The following RORA variants were observed in gnomAD, a reference collection of about 807,000 sequenced individuals.
The protein encoded by RORA is RAR related orphan receptor A, also known as nuclear receptor ROR-alpha.
RORA carries 7 observed loss-of-function variants against 69.5 expected under a neutral mutation model. The ratio of observed to expected loss-of-function variants is 0.10; its 90% CI spans 0.06 to 0.19. The LOEUF (loss-of-function observed/expected upper bound fraction) is 0.19, where lower values mean the gene tolerates loss of function less well. Among genes scored for constraint, RORA ranks in the 10% least tolerant of loss-of-function variants. The probability of loss-of-function intolerance (pLI) is 1.00; values close to 1 mark genes in which losing one functional copy is unlikely to be tolerated. For missense variants in RORA, 457 were observed against 663.0 expected, an observed-to-expected ratio of 0.69 and a Z score of 3.41; for synonymous variants, 261 against 240.8, an observed-to-expected ratio of 1.08 and a Z score of -0.78.
intron 1 of RORA, among the ~76,000 whole-genome samples, chr15:61,015,446 T>TA (rs1272853701): frequency 2.0e-5 from 3 of 151,444 alleles, no homozygotes; most frequent in African/African-American, 7.3e-5. Context: ...AATTTTTAAG[T>TA]AAAAAAAATT....
chr15:61,197,953 T>C (rs1039436601), intron 1 of RORA, among the ~76,000 whole-genome samples: 16 of 152,000 alleles, frequency 1.1e-4, no homozygotes, highest in African/African-American at 3.9e-4. Flanking sequence ...TTGTTTTGTG[T>C]GGTATCAGGG....
chr15:61,043,264 C>T (rs782940), intron 1 of RORA, among the ~76,000 whole-genome samples: 7,009 of 152,238 alleles, frequency 0.046, 251 homozygotes, highest in East Asian at 0.15. Context: ...AGGGCCTGGA[C>T]ATTCAAATGC....
At chr15:60,945,882 C>G (rs1266290067) in intron 1 of RORA, among the ~76,000 whole-genome samples, 1 of 152,206 alleles carries the variant, frequency 6.6e-6, no homozygotes, top group African/African-American at 2.4e-5. Flanking sequence ...ATCTATGAGG[C>G]AGAATCTATT....
intron 4 of RORA, among the ~76,000 whole-genome samples, chr15:60,512,520 G>A (rs772166282): frequency 8.5e-5 from 13 of 152,090 alleles, no homozygotes; most frequent in Non-Finnish European, 1.5e-4. Flanking sequence ...GAACTCCAGG[G>A]CTCAAGCAAT....
At chr15:60,510,077 G>A (rs1055648082) in intron 5 of RORA, among the ~76,000 whole-genome samples, 3 of 152,134 alleles carry the variant, frequency 2.0e-5, no homozygotes, top group African/African-American at 7.2e-5. Context: ...TAGAGAAACC[G>A]TCTAAAGAAC....
chr15:60,850,944 C>T (rs1393236182), intron 1 of RORA, among the ~76,000 whole-genome samples: 3 of 152,194 alleles, frequency 2.0e-5, no homozygotes. Context: ...CTTATTTTGC[C>T]TGAATGGCCA....
At chr15:61,031,948 T>C (rs1896192667) in intron 1 of RORA, among the ~76,000 whole-genome samples, 1 of 152,238 alleles carries the variant, frequency 6.6e-6, no homozygotes, top group African/African-American at 2.4e-5. Flanking sequence ...GGAAGATATA[T>C]GTTCCTCCTA....
intron 1 of RORA, among the ~76,000 whole-genome samples, chr15:61,172,676 A>G (rs1203492589): frequency 2.0e-5 from 3 of 152,192 alleles, no homozygotes; most frequent in Non-Finnish European, 2.9e-5. Flanking sequence ...TAACCAGTAC[A>G]ATGGGAAAAT....
intron 1 of RORA, among the ~76,000 whole-genome samples, chr15:60,946,879 C>T (rs1462626191): frequency 1.4e-4 from 21 of 151,706 alleles, no homozygotes; most frequent in East Asian, 2.0e-4. Context: ...TCTGCCCCGC[C>T]GCCCCGTCTG....
Position 61,213,664 on chromosome 15 carries a change from C to T in RORA, c.166+15389G>A, listed in dbSNP as rs902613178. The T allele has an allele frequency of 6.6e-6, 1 of 152,332 alleles. No individual in the cohort carries two copies. Among genetic ancestry groups the T allele is most frequent in the Non-Finnish European group, 1.5e-5 (1 of 68,052 alleles). 9.4% of individuals were successfully genotyped at this position (152,332 alleles called of 1,614,324 possible). On this transcript the variant is annotated intron_variant, in intron 1 of 10. Coordinates refer to ENST00000335670, the MANE Select transcript of RORA (RefSeq NM_134261.3). The surrounding 1 kb of genome is among the most constrained non-coding windows in gnomAD (Gnocchi z 4.1). ...AACCACCTCAGTGAGCTTTCCCTAA[C>T]TCCTCTCGGGGCATTTTCTCCTTCT...
chr15:60,983,336 T>C (rs1264710132), intron 1 of RORA, among the ~76,000 whole-genome samples: 2 of 152,358 alleles, frequency 1.3e-5, no homozygotes, highest in East Asian at 1.9e-4. Flanking sequence ...TCACATGACA[T>C]AGCAGGTGCT....
At chr15:61,013,119 T>C (rs1021751738) in intron 1 of RORA, among the ~76,000 whole-genome samples, 10 of 152,236 alleles carry the variant, frequency 6.6e-5, no homozygotes, top group Non-Finnish European at 1.5e-4. Flanking sequence ...CCAGACACAT[T>C]GTTTATTCAT....
intron 1 of RORA, among the ~76,000 whole-genome samples, chr15:60,702,859 T>A (rs764944502): frequency 4.6e-5 from 7 of 152,232 alleles, no homozygotes; most frequent in African/African-American, 1.2e-4. Flanking sequence ...GGTCACCTTG[T>A]GTGGAATGGG....
intron 2 of RORA, among the ~76,000 whole-genome samples, chr15:60,652,624 T>C (rs1275953780): frequency 6.6e-6 from 1 of 152,158 alleles, no homozygotes; most frequent in Admixed American, 6.5e-5. Flanking sequence ...GGAAGAAAAG[T>C]AAATTGGCAT....
At chr15:60,683,700 G>A (rs1248588435) in intron 1 of RORA, among the ~76,000 whole-genome samples, 1 of 149,342 alleles carries the variant, frequency 6.7e-6, no homozygotes, top group African/African-American at 2.5e-5. Flanking sequence ...CAGATTTCCA[G>A]GTAATGCTTG....
intron 2 of RORA, among the ~76,000 whole-genome samples, chr15:60,594,102 A>C (rs967971353): frequency 1.3e-4 from 19 of 151,988 alleles, no homozygotes; most frequent in Admixed American, 2.0e-4. Flanking sequence ...TTTTTCCCCC[A>C]AAAAAAACTA....
At chr15:60,516,550 C>A (rs528840905) in intron 3 of RORA, among the ~76,000 whole-genome samples, 1 of 151,840 alleles carries the variant, frequency 6.6e-6, no homozygotes, top group South Asian at 2.1e-4. Context: ...AGATAGATGA[C>A]CCCAATGAGG....
chr15:60,878,130 T>C lies in RORA; in HGVS notation c.167-199444A>G, dbSNP rs577526323. ...TCACGAGGTCAGGAGATCGATGCCA[T>C]CCTGGCTAACAAGGTGAAACCCTGC... On this transcript the variant is annotated intron_variant, in intron 1 of 10. Transcript: ENST00000335670. Among the ~76,000 whole-genome samples the C allele has an allele frequency of 1.0e-4, 14 of 134,492 alleles. No homozygotes were observed. In the South Asian group the frequency reaches 3.1e-3, roughly 30 times the overall value. 88.2% of individuals were successfully genotyped at this position (134,492 alleles called of 152,430 possible).
At chr15:60,536,751 C>T (rs889110512) in intron 2 of RORA, among the ~76,000 whole-genome samples, 8 of 152,256 alleles carry the variant, frequency 5.3e-5, no homozygotes, top group Non-Finnish European at 8.8e-5. Context: ...ACCTTGGGTA[C>T]ACCTATGAGA....
Sources: allele counts gnomAD v4.1 joint callset (sites outside exome capture counted in the v4.1 genomes callset), GRCh38; gene constraint gnomAD v4.1.1; non-coding constraint Gnocchi (gnomAD v3.1); transcripts MANE v1.5; gene names NCBI Gene and HGNC (gene_info 2026-07-23, HGNC 2026-07-21).